FHIP1A: variants seen among roughly 807,000 people sequenced by gnomAD.
The protein encoded by FHIP1A is FHF complex subunit HOOK interacting protein 1A.
In FHIP1A, 61 loss-of-function variants were observed where a neutral mutation model predicts 88.6. That is an observed-to-expected ratio of 0.69 (90% CI 0.56 to 0.85). The LOEUF (loss-of-function observed/expected upper bound fraction) is 0.85, where lower values mean the gene tolerates loss of function less well. Ranked by LOEUF, FHIP1A falls within the 40% of genes least tolerant of loss-of-function variation. The pLI, the probability that FHIP1A is intolerant of heterozygous loss-of-function variation, is 0.00. For synonymous variants in FHIP1A, 478 were observed against 496.0 expected (o/e 0.96, Z 0.48); for missense variants, 1,154 against 1,273.5 (o/e 0.91, Z 1.43).
At chr4:151,567,118 A>G (rs1223851416) in intron 4 of FHIP1A, among the ~76,000 whole-genome samples, 2 of 152,182 alleles carry the variant, frequency 1.3e-5, no homozygotes, top group East Asian at 3.8e-4. Flanking sequence ...TGTGTGGATA[A>G]TTAAGGGTTG....
chr4:151,642,656 C>T (rs569960340), intron 9 of FHIP1A, among the ~76,000 whole-genome samples: 12 of 152,166 alleles, frequency 7.9e-5, no homozygotes, highest in East Asian at 1.9e-4. Context: ...CTTAGCTCAT[C>T]GTACTTCACT....
chr4:151,467,393 A>G (rs1435041720), intron 2 of FHIP1A, among the ~76,000 whole-genome samples: 1 of 152,240 alleles, frequency 6.6e-6, no homozygotes, highest in Admixed American at 6.5e-5. Context: ...AAATTAGTTC[A>G]ACCATTGTGG....
At chr4:151,486,227 C>G (rs1730076959) in intron 3 of FHIP1A, among the ~76,000 whole-genome samples, 2 of 152,136 alleles carry the variant, frequency 1.3e-5, no homozygotes, top group African/African-American at 4.8e-5. Flanking sequence ...TGGTACCAGT[C>G]TGGGTCTCAG....
At chr4:151,645,991 G>A (rs548785327) in intron 9 of FHIP1A, among the ~76,000 whole-genome samples, 1 of 152,316 alleles carries the variant, frequency 6.6e-6, no homozygotes, top group Non-Finnish European at 1.5e-5. Flanking sequence ...ACACTATGGA[G>A]TGGTTGTTTG....
At position 151,656,621 on chromosome 4, in the gene FHIP1A, C is replaced by A; in HGVS notation, c.2731-139C>A. 9.3e-7 allele frequency: 1 copy of A among 1,070,318 alleles called. No individual in the cohort carries two copies. The highest frequency in any genetic ancestry group is 1.3e-6 in the Non-Finnish European group (1 of 746,640). 66.3% of individuals were successfully genotyped at this position (1,070,318 alleles called of 1,614,324 possible). ...TGTTTTGACGGTGCCCTACGCAGAACACCCAGGCAGTTAAAAATGAACAAA... is the reference window on the plus strand; with the variant it reads ...TGTTTTGACGGTGCCCTACGCAGAAAACCCAGGCAGTTAAAAATGAACAAA... On this transcript the variant is annotated intron_variant, in intron 12 of 13. Transcript: ENST00000435205. This position sits in a 1 kb window ranked among gnomAD's most constrained non-coding sequence, Gnocchi z 4.2.
chr4:151,439,421 G>GTT (rs113305609), intron 1 of FHIP1A, among the ~76,000 whole-genome samples: 1 of 147,318 alleles, frequency 6.8e-6, no homozygotes. Context: ...ATTTTAAAAA[G>GTT]TTTTTTTTTT....
chr4:151,547,402 A>G (rs1732546453), intron 3 of FHIP1A, among the ~76,000 whole-genome samples: 1 of 152,194 alleles, frequency 6.6e-6, no homozygotes, highest in Admixed American at 6.5e-5. Context: ...GAACTTTCTT[A>G]AACACTCTTT....
chr4:151,477,453 A>G lies in FHIP1A; in HGVS notation c.-247-5071A>G, dbSNP rs184493032. ...TATTTTATAATCTTGGAGTATGTAC[A>G]TACGGCCCTTCTAAGTAAGATAGAA... On this transcript the variant is annotated intron_variant, in intron 2 of 13. Transcript: ENST00000435205. 5.3e-5 allele frequency among the ~76,000 whole-genome samples: 8 copies of G among 152,296 alleles called. No individual in the cohort carries two copies. In the East Asian group the frequency reaches 1.5e-3, roughly 29 times the overall value.
At chr4:151,614,399 C>G (rs1735437661) in intron 7 of FHIP1A, among the ~76,000 whole-genome samples, 1 of 150,982 alleles carries the variant, frequency 6.6e-6, no homozygotes, top group Admixed American at 6.6e-5. Flanking sequence ...ACCCTGGGAC[C>G]TCGAGGCTAC....
At position 151,505,082 on chromosome 4, in the gene FHIP1A, G is replaced by C. The variant is rs1010165178; in HGVS notation, c.-123+22434G>C. On this transcript the variant is annotated intron_variant, in intron 3 of 13. Transcript: ENST00000435205. ...TATGTATGTCCTCCATGTGACACAG[G>C]AAGTAAGCTCCAGGCTATCAATTGT... Among the ~76,000 whole-genome samples, 4 of 152,192 alleles carry C rather than the reference G, an allele frequency of 2.6e-5. No individual in the cohort carries two copies. In the South Asian group the frequency reaches 8.3e-4, roughly 32 times the overall value.
rs188208817 is a variant in FHIP1A at position 151,411,239 on chromosome 4, A to G, written c.-356+1774A>G. Reference sequence around the variant, plus strand: ...AAGTTCTTTCTTTAATAGGAACTTGATAGATAATGACTGCAAACAAGAAGC... The same window carrying G: ...AAGTTCTTTCTTTAATAGGAACTTGGTAGATAATGACTGCAAACAAGAAGC... On this transcript the variant is annotated intron_variant, in intron 1 of 13. Transcript: ENST00000435205. Among the ~76,000 whole-genome samples the G allele has an allele frequency of 3.5e-3, 538 of 152,280 alleles. 1 individual carries two copies. The highest frequency in any genetic ancestry group is 0.01 in the Middle Eastern group (3 of 292).
At chr4:151,628,321 C>G (rs1336129902) in intron 7 of FHIP1A, among the ~76,000 whole-genome samples, 1 of 152,204 alleles carries the variant, frequency 6.6e-6, no homozygotes. Context: ...ATCTTATCCA[C>G]CTGGGCTCAT....
chr4:151,415,920 T>C (rs1449618791), intron 1 of FHIP1A, among the ~76,000 whole-genome samples: 1 of 151,854 alleles, frequency 6.6e-6, no homozygotes, highest in Non-Finnish European at 1.5e-5. Flanking sequence ...GTTGAGCTGC[T>C]AATTAGCTTT....
Position 151,650,482 on chromosome 4 carries a change from T to C in FHIP1A, c.2441T>C (p.Phe814Ser). The C allele has an allele frequency of 6.4e-7, 1 of 1,551,538 alleles. No individual in the cohort carries two copies. Among genetic ancestry groups the C allele is most frequent in the Non-Finnish European group, 8.7e-7 (1 of 1,147,018 alleles). ...GATGAGGAGGATGACTTTGACTCTT[T>C]TATAGCGGAGATGCCTGCTGTAGAG... Reference protein sequence around the residue: ...LEDEEDDFDSFIAEMPAVETV... With the variant: ...LEDEEDDFDSSIAEMPAVETV... Residue 814 changes from phenylalanine (F) to serine (S), a missense_variant, in exon 11 of 14, where the codon TTT becomes TCT. By Grantham distance (155) the Phe-to-Ser change is radical. Transcript: ENST00000435205.
intron 7 of FHIP1A, among the ~76,000 whole-genome samples, chr4:151,595,552 C>G (rs1268643278): frequency 6.6e-6 from 1 of 152,120 alleles, no homozygotes; most frequent in Non-Finnish European, 1.5e-5. Context: ...TGGTCCAGAG[C>G]TGAGTTGAAG....
intron 1 of FHIP1A, among the ~76,000 whole-genome samples, chr4:151,438,823 T>C (rs1274887987): frequency 6.6e-6 from 1 of 151,882 alleles, no homozygotes; most frequent in Non-Finnish European, 1.5e-5. Context: ...TAAAATTCTT[T>C]GTAGAGAATG....
chr4:151,427,258 CTTA>C (rs1733416935), intron 1 of FHIP1A, among the ~76,000 whole-genome samples: 1 of 151,980 alleles, frequency 6.6e-6, no homozygotes, highest in African/African-American at 2.4e-5. Context: ...AGTTTATTGA[CTTA>C]TTATGGTTTT....
chr4:151,483,161 T>A (rs1729959827), intron 3 of FHIP1A, among the ~76,000 whole-genome samples: 1 of 152,184 alleles, frequency 6.6e-6, no homozygotes, highest in Admixed American at 6.6e-5. Context: ...ACTATTTATT[T>A]GACTATAAAT....
chr4:151,600,362 A>AT (rs1420811008), intron 7 of FHIP1A, among the ~76,000 whole-genome samples: 2 of 152,122 alleles, frequency 1.3e-5, no homozygotes, highest in African/African-American at 2.4e-5. Context: ...CAGTTCTGCC[A>AT]TTTTTTCAGA....
Sources: gnomAD v4.1 joint callset for allele counts (sites outside exome capture counted in the v4.1 genomes callset) on GRCh38, gnomAD v4.1.1 for gene constraint, Gnocchi (gnomAD v3.1) non-coding constraint, MANE v1.5 for transcripts, NCBI Gene and HGNC (gene_info 2026-07-23, HGNC 2026-07-21) for gene names.